Variants in PYGB observed in about 807,000 individuals in gnomAD.
The protein encoded by PYGB is glycogen phosphorylase B, also known as glycogen phosphorylase, brain form.
PYGB carries 82 observed loss-of-function variants against 94.3 expected under a neutral mutation model. The observed-to-expected ratio is 0.87, with a 90% confidence interval of 0.73 to 1.04. PYGB has a LOEUF of 1.04. Ranked by LOEUF, PYGB falls within the 50% of genes least tolerant of loss-of-function variation. The probability of loss-of-function intolerance (pLI) is 0.00; values close to 1 mark genes in which losing one functional copy is unlikely to be tolerated. For synonymous variants in PYGB, 488 were observed against 479.1 expected, an observed-to-expected ratio of 1.02 and a Z score of -0.24; for missense variants, 1,132 against 1,158.2, an observed-to-expected ratio of 0.98 and a Z score of 0.33.
At chr20:25,288,719 C>T in intron 15 of PYGB, 1 of 567,230 alleles carries the variant, frequency 1.8e-6, no homozygotes, top group Admixed American at 3.1e-5. Flanking sequence ...GGGCCAGTCC[C>T]CAGTGGGCTT....
intron 1 of PYGB, chr20:25,250,909 A>G (rs768628549): frequency 1.1e-4 from 16 of 152,234 alleles, no homozygotes; most frequent in East Asian, 1.9e-4. Context: ...ACCCACTTCT[A>G]TCGCCCACTT....
rs371811234 is a variant in PYGB at position 25,248,325 on chromosome 20, C to G, written c.147C>G (p.Pro49=). ...TLVKDRNVAT[P]RDYFFALAHT... ...TCAAGGACCGCAATGTGGCCACGCC[C>G]CGCGACTACTTCTTCGCGCTGGCGC... Residue 49 remains proline, a synonymous_variant, in exon 1 of 20, where the codon CCC becomes CCG. Coordinates refer to ENST00000216962, the MANE Select transcript of PYGB (RefSeq NM_002862.4). The G allele has an allele frequency of 1.9e-6, 3 of 1,604,136 alleles. No homozygotes were observed. In the African/African-American group the frequency reaches 4.1e-5, roughly 22 times the overall value.
chr20:25,294,331 G>T, intron 18 of PYGB, 39 bp downstream of exon 18: 1 of 1,180,656 alleles, frequency 8.5e-7, no homozygotes, highest in Non-Finnish European at 1.2e-6. Flanking sequence ...TGGGAGGGAG[G>T]GAGGGAGGGA....
intron 3 of PYGB, among the ~76,000 whole-genome samples, chr20:25,270,844 G>A (rs1047523623): frequency 1.3e-5 from 2 of 152,200 alleles, no homozygotes; most frequent in Non-Finnish European, 2.9e-5. Flanking sequence ...CTTTCAAGAC[G>A]TTTTGATTGG....
At chr20:25,278,498 G>A (rs2088335468) in intron 8 of PYGB, 36 bp downstream of exon 8, 2 of 1,610,356 alleles carry the variant, frequency 1.2e-6, no homozygotes, top group Non-Finnish European at 8.5e-7. Flanking sequence ...TCAGTGCCAG[G>A]GGCTGGGCGC....
chr20:25,280,101 CT>C (rs2123570969), intron 9 of PYGB, among the ~76,000 whole-genome samples, 164 bp from the exon 10 acceptor site: 1 of 152,346 alleles, frequency 6.6e-6, no homozygotes, highest in Admixed American at 6.5e-5. Context: ...GCGTGTCAGG[CT>C]TTCAGAGGGC....
chr20:25,253,622 CTAAAT>C (rs999540003), intron 1 of PYGB, among the ~76,000 whole-genome samples: 12 of 90,594 alleles, frequency 1.3e-4, no homozygotes, highest in African/African-American at 4.8e-4. Flanking sequence ...GCAACTCTGC[CTAAAT>C]AAAATAAAAT....
rs148956025 is a variant in PYGB at position 25,295,121 on chromosome 20, AT to A, written c.2313-481del. ...ATAGTGAACAGAAATGCATTTGTAG[AT>A]TCATAAATCTGGCATTTTTGTTCAG... is the stretch of plus-strand genomic sequence containing the variant. On this transcript the variant is annotated intron_variant, in intron 18 of 19. Transcript: ENST00000216962. 1.5e-3 allele frequency: 2,025 copies of A among 1,355,234 alleles called. 29 individuals carry two copies. In the African/African-American group the frequency reaches 0.025, roughly 17 times the overall value. 84.0% of individuals were successfully genotyped at this position (1,355,234 alleles called of 1,614,324 possible). A position where few individuals can be genotyped will look rare whatever the true frequency, so the allele number is the denominator to read the frequency against.
Position 25,292,513 on chromosome 20 carries a change from A to G in PYGB, c.2077A>G (p.Met693Val). ...CAACGGGGCCCTCACCATCGGCACC[A>G]TGGACGGCGCCAACGTGGAGATGGC... is the stretch of plus-strand genomic sequence containing the variant. ...MLNGALTIGTMDGANVEMAEE... is the reference protein window; with the variant it reads ...MLNGALTIGTVDGANVEMAEE... Residue 693 changes from methionine (M) to valine (V), a missense_variant, in exon 17 of 20, where the codon ATG becomes GTG. By Grantham distance (21) the Met-to-Val change is conservative. Transcript: ENST00000216962. The G allele has an allele frequency of 6.2e-7, 1 of 1,613,524 alleles. No individual in the cohort carries two copies. Among genetic ancestry groups the G allele is most frequent in the Non-Finnish European group, 8.5e-7 (1 of 1,179,992 alleles).
intron 13 of PYGB, 79 bp downstream of exon 13, chr20:25,283,356 C>T (rs2088386985): frequency 3.1e-6 from 4 of 1,285,788 alleles, no homozygotes; most frequent in Non-Finnish European, 4.4e-6. Flanking sequence ...AGCCCTCCTA[C>T]AGGCCCAGCA....
intron 2 of PYGB, among the ~76,000 whole-genome samples, chr20:25,260,011 G>A (rs566743253): frequency 5.3e-5 from 8 of 152,236 alleles, no homozygotes; most frequent in Admixed American, 2.0e-4. Flanking sequence ...GCTTTGCTTG[G>A]GTTTGGATGT....
chr20:25,294,026 C>T, intron 17 of PYGB, 132 bp from the exon 18 acceptor site: 1 of 1,277,556 alleles, frequency 7.8e-7, no homozygotes. Context: ...TGGCTGCTGC[C>T]CTGGACCGTG....
intron 1 of PYGB, 78 bp from the exon 2 acceptor site, chr20:25,259,159 A>C (rs1193464530): frequency 4.3e-5 from 55 of 1,273,936 alleles, no homozygotes; most frequent in Non-Finnish European, 5.9e-5. Context: ...GCTTGGCTTC[A>C]TGGGTCGTGT....
intron 1 of PYGB, among the ~76,000 whole-genome samples, chr20:25,256,580 C>T (rs1289301110): frequency 2.0e-5 from 3 of 152,076 alleles, no homozygotes; most frequent in African/African-American, 7.2e-5. Flanking sequence ...CAAGAAGGGA[C>T]CATGGTAGAA....
chr20:25,292,336 T>C, intron 16 of PYGB, 70 bp from the exon 17 acceptor site: 5 of 1,557,230 alleles, frequency 3.2e-6, no homozygotes, highest in South Asian at 1.1e-5. Flanking sequence ...CGGCTTGTCC[T>C]GCAGTGAGCC....
intron 15 of PYGB, among the ~76,000 whole-genome samples, chr20:25,289,645 G>C (rs1416685659): frequency 1.3e-5 from 2 of 149,052 alleles, no homozygotes; most frequent in Admixed American, 1.3e-4. Flanking sequence ...CCCTGTCTCA[G>C]CAAAAAAAAG....
Position 25,263,528 on chromosome 20 carries a change from C to T in PYGB, c.345+4190C>T, listed in dbSNP as rs572474986. On this transcript the variant is annotated intron_variant, in intron 2 of 19. Coordinates refer to ENST00000216962, the MANE Select transcript of PYGB (RefSeq NM_002862.4). ...GAAAAGATCAACAAAATTGATAGAC[C>T]GGTAGCAAGACTAATAAAGAGGAAA... 1.8e-4 allele frequency among the ~76,000 whole-genome samples: 27 copies of T among 152,008 alleles called. 1 individual carries two copies. In the East Asian group the frequency reaches 2.3e-3, roughly 13 times the overall value.
intron 16 of PYGB, 78 bp from the exon 17 acceptor site, chr20:25,292,328 G>T (rs1378909194): frequency 1.3e-6 from 2 of 1,522,960 alleles, no homozygotes; most frequent in East Asian, 2.3e-5. Context: ...GGATGGGCCG[G>T]CTTGTCCTGC....
intron 5 of PYGB, among the ~76,000 whole-genome samples, chr20:25,275,385 C>G (rs1306930457): frequency 6.6e-6 from 1 of 152,202 alleles, no homozygotes; most frequent in African/African-American, 2.4e-5. Flanking sequence ...GCCGGGATGA[C>G]TGGGGCAGGG....
Sources: gnomAD v4.1 joint callset for allele counts (sites outside exome capture counted in the v4.1 genomes callset) on GRCh38, gnomAD v4.1.1 for gene constraint, MANE v1.5 for transcripts, NCBI Gene and HGNC (gene_info 2026-07-23, HGNC 2026-07-21) for gene names.